Variants in ARHGEF10 observed in about 807,000 individuals in gnomAD.
The protein encoded by ARHGEF10 is Rho guanine nucleotide exchange factor (GEF) 10.
ARHGEF10 carries 140 observed loss-of-function variants against 147.4 expected under a neutral mutation model. The ratio of observed to expected loss-of-function variants is 0.95; its 90% CI spans 0.83 to 1.09. The LOEUF (loss-of-function observed/expected upper bound fraction) is 1.09, where lower values mean the gene tolerates loss of function less well. Among genes scored for constraint, ARHGEF10 ranks in the 50% least tolerant of loss-of-function variants. The pLI is 0.00. For missense variants in ARHGEF10, 2,222 were observed against 1,752.7 expected (o/e 1.27, Z -4.78); for synonymous variants, 902 against 695.8 (o/e 1.30, Z -4.67).
At chr8:1,890,523 G>A (rs1036244798) in intron 11 of ARHGEF10, among the ~76,000 whole-genome samples, 2 of 148,102 alleles carry the variant, frequency 1.4e-5, no homozygotes, top group Non-Finnish European at 3.0e-5. Context: ...GGGGCGAGAC[G>A]GGTCTCTGAG....
At chr8:1,879,838 C>T (rs1808029088) in intron 8 of ARHGEF10, among the ~76,000 whole-genome samples, 1 of 152,120 alleles carries the variant, frequency 6.6e-6, no homozygotes, top group Non-Finnish European at 1.5e-5. Flanking sequence ...CAGGGGTGAG[C>T]CACTGCGCCC....
chr8:1,944,750 C>A (rs888196839), intron 26 of ARHGEF10, among the ~76,000 whole-genome samples: 13 of 152,234 alleles, frequency 8.5e-5, no homozygotes, highest in Non-Finnish European at 1.9e-4. Flanking sequence ...CATCCCAGCC[C>A]TCACCCTCTG....
chr8:1,932,289 A>G (rs907120460), intron 25 of ARHGEF10, among the ~76,000 whole-genome samples: 4 of 152,084 alleles, frequency 2.6e-5, no homozygotes, highest in African/African-American at 9.7e-5. Context: ...TTGTGTGAGC[A>G]GGTGTGTATG....
chr8:1,861,070 C>T (rs1585300908), intron 4 of ARHGEF10, among the ~76,000 whole-genome samples: 1 of 152,320 alleles, frequency 6.6e-6, no homozygotes, highest in African/African-American at 2.4e-5. Context: ...ATGCTCCGAG[C>T]GAGGACTGTG....
At chr8:1,837,828 C>T (rs1224361519) in intron 1 of ARHGEF10, among the ~76,000 whole-genome samples, 12 of 152,140 alleles carry the variant, frequency 7.9e-5, no homozygotes, top group Admixed American at 2.0e-4. Context: ...GAATCTGTGA[C>T]CTTTGTTTCT....
In ARHGEF10 at chr8:1,841,577, G is replaced by A. The variant is rs141741358; in HGVS notation, c.-47-1776G>A. 6.2e-3 allele frequency among the ~76,000 whole-genome samples: 948 copies of A among 152,214 alleles called. 11 individuals carry two copies. The highest frequency in any genetic ancestry group is 0.012 in the South Asian group (58 of 4,820). On this transcript the variant is annotated intron_variant, in intron 1 of 28. Coordinates refer to ENST00000349830, the MANE Select transcript of ARHGEF10 (RefSeq NM_014629.4). ...ACAGTGGGCCATGTTGAGTGAACAC[G>A]CGGCTCCCTGGGGGCAGGGAGTAGG...
Position 1,893,572 on chromosome 8 carries a change from G to A in ARHGEF10, c.1186G>A (p.Val396Ile), listed in dbSNP as rs779701756. The A allele has an allele frequency of 4.3e-6, 7 of 1,612,380 alleles. No homozygotes were observed. Among genetic ancestry groups the A allele is most frequent in the Middle Eastern group, 1.7e-4 (1 of 6,056 alleles). ...MPEGLSQQQV[V>I]RRYILGSVVD... ...TGTACTTCCAAATTTCCAACAGGTT[G>A]TAAGAAGATATATACTGGGTTCAGT... The change falls in exon 12 of 29, where the codon GTA becomes ATA. Residue 396 changes from valine to isoleucine, a missense_variant. Val to Ile is a conservative substitution (Grantham distance 29). Coordinates refer to ENST00000349830, the MANE Select transcript of ARHGEF10 (RefSeq NM_014629.4).
In ARHGEF10 at chr8:1,843,425, C is replaced by T; in HGVS notation, c.26C>T (p.Pro9Leu). ...ATGGACCAGCGAGAGCCCCTGCCTC[C>T]CGCTCCTGCAGGTAACAGCACTCAG... Reference protein sequence around the residue: MDQREPLPPAPAENEMKYD... With the variant: MDQREPLPLAPAENEMKYD... Residue 9 changes from proline (P) to leucine (L), a missense_variant, in exon 2 of 29, where the codon CCC becomes CTC. By Grantham distance (98) the Pro-to-Leu change is moderately conservative. Transcript: ENST00000349830. 1 of 1,612,796 alleles carries T rather than the reference C, an allele frequency of 6.2e-7. No homozygotes were observed. Among genetic ancestry groups the T allele is most frequent in the Non-Finnish European group, 8.5e-7 (1 of 1,179,614 alleles).
chr8:1,902,241 G>GC (rs1810527269), intron 15 of ARHGEF10, among the ~76,000 whole-genome samples: 2 of 151,842 alleles, frequency 1.3e-5, no homozygotes, highest in African/African-American at 4.9e-5. Flanking sequence ...TTCTGAGAAA[G>GC]AGTGTTTCAA....
At chr8:1,936,700 G>A (rs879598835) in intron 26 of ARHGEF10, among the ~76,000 whole-genome samples, 2 of 152,240 alleles carry the variant, frequency 1.3e-5, no homozygotes, top group South Asian at 2.1e-4. Context: ...TAGGAGGGAT[G>A]TATCAGTTCC....
chr8:1,844,555 C>G (rs893164643), intron 2 of ARHGEF10, among the ~76,000 whole-genome samples: 1 of 151,840 alleles, frequency 6.6e-6, no homozygotes, highest in Non-Finnish European at 1.5e-5. Context: ...GGTGGGGAAC[C>G]AGGCCTGGAA....
chr8:1,914,924 A>G (rs1811643769), intron 18 of ARHGEF10, among the ~76,000 whole-genome samples: 1 of 152,222 alleles, frequency 6.6e-6, no homozygotes, highest in Non-Finnish European at 1.5e-5. Context: ...GTCCGGAAAC[A>G]GTCTTCAGTA....
chr8:1,827,626 C>A (rs984844752), intron 1 of ARHGEF10, among the ~76,000 whole-genome samples: 1 of 152,210 alleles, frequency 6.6e-6, no homozygotes, highest in Admixed American at 6.5e-5. Flanking sequence ...CATTTTAAAT[C>A]GTGGATTTTT....
chr8:1,925,332 C>T lies in ARHGEF10; in HGVS notation c.2538C>T (p.His846=). The T allele has an allele frequency of 2.5e-6, 4 of 1,614,176 alleles. No homozygotes were observed. The highest frequency in any genetic ancestry group is 3.4e-6 in the Non-Finnish European group (4 of 1,180,032). ...TCTGTGTGGAAGACGATGGGAATCA[C>T]ATTAAAAAGGAGAAGCATCCTCTCC... ...GWFCVEDDGN[H]IKKEKHPLLV... Residue 846 remains histidine (H), a synonymous_variant, in exon 22 of 29, where the codon CAC becomes CAT. Transcript: ENST00000349830.
intron 17 of ARHGEF10, among the ~76,000 whole-genome samples, chr8:1,907,293 A>C (rs1241964802): frequency 6.6e-6 from 1 of 152,146 alleles, no homozygotes; most frequent in Non-Finnish European, 1.5e-5. Flanking sequence ...TAACACCTGG[A>C]AAGTTAGTTT....
chr8:1,874,648 A>G (rs908235584), intron 7 of ARHGEF10, among the ~76,000 whole-genome samples: 3 of 151,896 alleles, frequency 2.0e-5, no homozygotes, highest in African/African-American at 7.3e-5. Context: ...GGAACAGTGC[A>G]GACACACACC....
At chr8:1,924,775 C>T (rs1185373405) in intron 21 of ARHGEF10, among the ~76,000 whole-genome samples, 2 of 152,216 alleles carry the variant, frequency 1.3e-5, no homozygotes, top group African/African-American at 2.4e-5. Flanking sequence ...TGCAGATAAG[C>T]CCCCTTTCGT....
chr8:1,833,539 C>T (rs1166344645), intron 1 of ARHGEF10, among the ~76,000 whole-genome samples: 2 of 152,208 alleles, frequency 1.3e-5, no homozygotes, highest in Non-Finnish European at 2.9e-5. Context: ...GCACGGCCCT[C>T]ACGGCTGCCT....
Position 1,925,794 on chromosome 8 carries a change from T to A in ARHGEF10, c.2610+390T>A, listed in dbSNP as rs568925368. Among the ~76,000 whole-genome samples the A allele has an allele frequency of 1.2e-3, 183 of 152,322 alleles. 1 individual carries two copies. In the Middle Eastern group the frequency reaches 0.014, roughly 11 times the overall value. ...TGTCTGCTTGAGGTACCGTGCCCGC[T>A]CTTTGCCTTGGCAGACTCCATCTCC... On this transcript the variant is annotated intron_variant, in intron 22 of 28. Coordinates refer to ENST00000349830, the MANE Select transcript of ARHGEF10 (RefSeq NM_014629.4).
Sources: allele counts gnomAD v4.1 joint callset (sites outside exome capture counted in the v4.1 genomes callset), GRCh38; gene constraint gnomAD v4.1.1; transcripts MANE v1.5; gene names NCBI Gene and HGNC (gene_info 2026-07-23, HGNC 2026-07-21).